PAK1: variants seen among roughly 807,000 people sequenced by gnomAD.
PAK1 encodes the protein serine/threonine-protein kinase PAK 1.
In PAK1, 29 loss-of-function variants were observed where a neutral mutation model predicts 67.4. The observed-to-expected ratio is 0.43, with a 90% CI of 0.32 to 0.59. The LOEUF (loss-of-function observed/expected upper bound fraction) is 0.59, where lower values mean the gene tolerates loss of function less well. PAK1 is among the 20% of genes least tolerant of loss of function. The pLI is 0.07. For missense variants in PAK1, 337 were observed against 670.7 expected, an observed-to-expected ratio of 0.50 and a Z score of 5.50; for synonymous variants, 223 against 237.4, an observed-to-expected ratio of 0.94 and a Z score of 0.56.
chr11:77,527,775 A>C, the PAK1 span, among the ~76,000 whole-genome samples: 1 of 152,234 alleles, frequency 6.6e-6, no homozygotes, highest in Admixed American at 6.5e-5. Flanking sequence ...TAATGAATCC[A>C]TGTGTTCATT....
chr11:77,433,893 CA>C (rs1210847326), intron 1 of PAK1, among the ~76,000 whole-genome samples: 2 of 152,186 alleles, frequency 1.3e-5, no homozygotes, highest in African/African-American at 4.8e-5. Context: ...AAAAGATACT[CA>C]AAATCATTAG....
At position 77,322,480 on chromosome 11, in the gene PAK1, A is replaced by C. The variant is rs1938659436; in HGVS notation, c.*794T>G. ...TGCTGATGCCCAGCCTTGCTCTAAA[A>C]GTAGTCACCATTTTCCCCGACTTCT... On this transcript the variant is annotated 3_prime_UTR_variant, in exon 15 of 15. Transcript: ENST00000356341. The C allele has an allele frequency of 5.2e-6, 1 of 193,820 alleles. No homozygotes were observed. The highest frequency in any genetic ancestry group is 6.1e-5 in the Admixed American group (1 of 16,450). 12.0% of individuals were successfully genotyped at this position (193,820 alleles called of 1,614,324 possible). A position where few individuals can be genotyped will look rare whatever the true frequency, so the allele number is the denominator to read the frequency against.
intron 14 of PAK1, among the ~76,000 whole-genome samples, chr11:77,323,743 G>A (rs1248869965): frequency 6.6e-6 from 1 of 152,110 alleles, no homozygotes; most frequent in Non-Finnish European, 1.5e-5. Flanking sequence ...ATACTATACA[G>A]AAAATTACAC....
At chr11:77,435,173 G>T (rs1727817751) in intron 1 of PAK1, among the ~76,000 whole-genome samples, 1 of 149,418 alleles carries the variant, frequency 6.7e-6, no homozygotes, top group Non-Finnish European at 1.5e-5. Flanking sequence ...AAAAAACACT[G>T]AATTGTATAC....
At chr11:77,466,966 A>G (rs112609336) in intron 1 of PAK1, among the ~76,000 whole-genome samples, 5,016 of 152,264 alleles carry the variant, frequency 0.033, 146 homozygotes, top group African/African-American at 0.077. Context: ...AATATCAGTA[A>G]AAGTATTTTG....
chr11:77,387,490 T>A (rs1157726778), intron 2 of PAK1, among the ~76,000 whole-genome samples: 4 of 152,238 alleles, frequency 2.6e-5, no homozygotes, highest in Non-Finnish European at 5.9e-5. Flanking sequence ...AGTTCCATAC[T>A]CAGCTCTCCC....
chr11:77,523,157 C>T, the PAK1 span, among the ~76,000 whole-genome samples: 6 of 152,140 alleles, frequency 3.9e-5, no homozygotes, highest in Admixed American at 2.0e-4. Context: ...CAGTTATACC[C>T]CAAACCTCAG....
chr11:77,446,503 C>A (rs1157898737), intron 1 of PAK1, among the ~76,000 whole-genome samples: 2 of 142,778 alleles, frequency 1.4e-5, no homozygotes, highest in South Asian at 4.5e-4. Flanking sequence ...AACAGCGAGA[C>A]CCTGTCTCAA....
the PAK1 span, among the ~76,000 whole-genome samples, chr11:77,488,837 G>A: frequency 2.0e-5 from 3 of 152,084 alleles, no homozygotes; most frequent in East Asian, 3.9e-4. Flanking sequence ...AGACTTATTG[G>A]CCATAAAAAG....
intron 5 of PAK1, among the ~76,000 whole-genome samples, chr11:77,365,671 A>G (rs1229439001): frequency 1.3e-5 from 2 of 151,992 alleles, no homozygotes; most frequent in Non-Finnish European, 2.9e-5. Flanking sequence ...CATCTCTACT[A>G]AAAATACAAA....
At chr11:77,388,459 T>C (rs1950725962) in intron 2 of PAK1, among the ~76,000 whole-genome samples, 2 of 152,252 alleles carry the variant, frequency 1.3e-5, no homozygotes, top group South Asian at 4.1e-4. Flanking sequence ...GTTCACGCCA[T>C]TCTCCTGCCT....
At chr11:77,431,956 T>C (rs904882520) in intron 1 of PAK1, among the ~76,000 whole-genome samples, 6 of 152,314 alleles carry the variant, frequency 3.9e-5, no homozygotes, top group African/African-American at 1.4e-4. Flanking sequence ...CAACACAAGG[T>C]ACTGTCTTTA....
At chr11:77,465,406 G>A (rs1336072044) in intron 1 of PAK1, among the ~76,000 whole-genome samples, 2 of 152,004 alleles carry the variant, frequency 1.3e-5, no homozygotes, top group Non-Finnish European at 2.9e-5. Context: ...AAAGGGTTTT[G>A]AAAACAGTAA....
intron 1 of PAK1, among the ~76,000 whole-genome samples, chr11:77,467,846 T>C (rs1299073799): frequency 1.3e-5 from 2 of 152,232 alleles, no homozygotes; most frequent in Non-Finnish European, 2.9e-5. Flanking sequence ...TAGCTCTTTG[T>C]CTAACTTCAA....
At chr11:77,516,732 G>T in the PAK1 span, among the ~76,000 whole-genome samples, 1 of 151,870 alleles carries the variant, frequency 6.6e-6, no homozygotes, top group East Asian at 1.9e-4. Context: ...GTCTAGGCAT[G>T]GTGGTTCATG....
Position 77,376,155 on chromosome 11 carries a change from A to C in PAK1, c.440-1790T>G, listed in dbSNP as rs113722863. 8.6e-3 allele frequency among the ~76,000 whole-genome samples: 1,303 copies of C among 152,282 alleles called. 25 individuals are homozygous for C. Among genetic ancestry groups the C allele is most frequent in the African/African-American group, 0.03 (1,242 of 41,548 alleles). On this transcript the variant is annotated intron_variant, in intron 4 of 14. Coordinates refer to ENST00000356341, the MANE Select transcript of PAK1 (RefSeq NM_002576.5). ...CTTTACGTACTGCTAGTATTTTTGA[A>C]GATTGGGTATTTTGGTAATAGGCAT...
At chr11:77,370,054 C>T (rs548703484) in intron 5 of PAK1, among the ~76,000 whole-genome samples, 13 of 152,168 alleles carry the variant, frequency 8.5e-5, no homozygotes, top group African/African-American at 3.1e-4. Flanking sequence ...TTATGTAAGT[C>T]TGTTTTTCCA....
At chr11:77,514,844 G>GCAAGGTATATGTTGGCTCCATTT in the PAK1 span, 3 of 152,000 alleles carry the variant, frequency 2.0e-5, no homozygotes, top group African/African-American at 7.3e-5. Context: ...TAACAATCCT[G>GCAAGGTATATGTTGGCTCCATTT]CACAGGTGCA....
intron 1 of PAK1, among the ~76,000 whole-genome samples, chr11:77,469,687 C>CTT (rs527648240): frequency 3.6e-5 from 5 of 137,592 alleles, no homozygotes; most frequent in South Asian, 2.3e-4. Context: ...TGTGAAGAGA[C>CTT]TTTTTTTTTT....
Sources: allele counts gnomAD v4.1 joint callset (sites outside exome capture counted in the v4.1 genomes callset), GRCh38; gene constraint gnomAD v4.1.1; transcripts MANE v1.5; gene names NCBI Gene and HGNC (gene_info 2026-07-23, HGNC 2026-07-21).